ASB3: variants seen among roughly 807,000 people sequenced by gnomAD.
ASB3 encodes the protein ankyrin repeat and SOCS box protein 3.
Under a neutral mutation model 54.5 loss-of-function variants are expected in ASB3, and 41 were observed. That is an observed-to-expected ratio of 0.75 (90% CI 0.59 to 0.98). The LOEUF is 0.98. Ranked by LOEUF, ASB3 falls within the 50% of genes least tolerant of loss-of-function variation. ASB3 has a pLI of 0.00. For missense variants in ASB3, 733 were observed against 620.0 expected (o/e 1.18, Z -1.94); for synonymous variants, 266 against 221.2 (o/e 1.20, Z -1.80).
At chr2:53,742,338 C>T (rs752094253) in intron 3 of ASB3, among the ~76,000 whole-genome samples, 2 of 152,174 alleles carry the variant, frequency 1.3e-5, no homozygotes, top group Non-Finnish European at 2.9e-5. Flanking sequence ...CAAAAACTCA[C>T]ATATTCCCAA....
intron 3 of ASB3, among the ~76,000 whole-genome samples, chr2:53,748,093 CAT>C (rs148404633): frequency 0.014 from 2,104 of 152,248 alleles, 41 homozygotes; most frequent in African/African-American, 0.049. Flanking sequence ...AATAATAGTA[CAT>C]GTCTCAGAAT....
intron 6 of ASB3, among the ~76,000 whole-genome samples, chr2:53,716,234 T>C (rs369710684): frequency 8.6e-5 from 13 of 152,014 alleles, no homozygotes; most frequent in African/African-American, 3.1e-4. Flanking sequence ...CCTCATCAGA[T>C]TGATGCTTAA....
chr2:53,702,325 A>T (rs1416296116), intron 7 of ASB3, among the ~76,000 whole-genome samples: 1 of 152,234 alleles, frequency 6.6e-6, no homozygotes, highest in East Asian at 1.9e-4. Context: ...AGGTTATTAA[A>T]GAAGGTCTCA....
chr2:53,772,945 C>T (rs1674048527), intron 1 of ASB3, among the ~76,000 whole-genome samples: 1 of 152,082 alleles, frequency 6.6e-6, no homozygotes, highest in Non-Finnish European at 1.5e-5. Context: ...TTTATTTAAC[C>T]AACAATCCTC....
intron 1 of ASB3, chr2:53,767,869 C>A: frequency 6.3e-7 from 1 of 1,596,764 alleles, no homozygotes; most frequent in Middle Eastern, 1.7e-4. Context: ...GCCACTGGGG[C>A]AGAGGAGCCG....
intron 3 of ASB3, among the ~76,000 whole-genome samples, chr2:53,742,310 T>C (rs1047504121): frequency 5.3e-5 from 8 of 152,138 alleles, no homozygotes; most frequent in Non-Finnish European, 1.5e-5. Context: ...ATAAACCTCC[T>C]GAAAGCAGCT....
chr2:53,707,265 T>A (rs1669830998), intron 7 of ASB3, among the ~76,000 whole-genome samples: 1 of 152,218 alleles, frequency 6.6e-6, no homozygotes. Flanking sequence ...GCTACCAATT[T>A]GGGCAGCACA....
chr2:53,700,470 G>C lies in ASB3; in HGVS notation c.1039C>G (p.Leu347Val), dbSNP rs1486032744. The part of the protein sequence containing the change: ...LLKYGAQINE[L>V]HLAYCLKYEK... ...TACTTCAGGCAGTATGCCAAATGAA[G>C]TTCATTTATCTGGGCTCCATATTTC... The change falls in exon 8 of 10, where the codon CTT (leucine) becomes GTT (valine). Residue 347 changes from leucine (L) to valine (V), a missense_variant. By Grantham distance (32) the Leu-to-Val change is conservative (BLOSUM62 1). Transcript: ENST00000263634. 1.9e-6 allele frequency: 3 copies of C among 1,614,038 alleles called. No homozygotes were observed. In the Admixed American group the frequency reaches 5.0e-5, roughly 27 times the overall value.
At chr2:53,681,394 T>C (rs570567716) in intron 9 of ASB3, among the ~76,000 whole-genome samples, 1 of 152,302 alleles carries the variant, frequency 6.6e-6, no homozygotes, top group Admixed American at 6.5e-5. Context: ...CCTATGTCCA[T>C]TTTTGTTTTG....
chr2:53,739,509 C>A (rs1558551412), intron 3 of ASB3, among the ~76,000 whole-genome samples: 2 of 152,226 alleles, frequency 1.3e-5, no homozygotes, highest in Admixed American at 6.5e-5. Context: ...ATGTAATTAT[C>A]TTAGTGAATG....
chr2:53,749,614 C>T (rs932063651), intron 3 of ASB3, among the ~76,000 whole-genome samples: 13 of 151,946 alleles, frequency 8.6e-5, no homozygotes, highest in South Asian at 2.1e-4. Context: ...TAATAGAATA[C>T]GATTCAGCTA....
chr2:53,719,975 T>G (rs1670607063), intron 5 of ASB3, among the ~76,000 whole-genome samples: 1 of 152,072 alleles, frequency 6.6e-6, no homozygotes, highest in Non-Finnish European at 1.5e-5. Flanking sequence ...CCTATTCTAT[T>G]CCTAAAAAAT....
intron 2 of ASB3, among the ~76,000 whole-genome samples, chr2:53,759,047 G>A (rs561866592): frequency 3.9e-4 from 60 of 152,258 alleles, no homozygotes; most frequent in African/African-American, 1.3e-3. Flanking sequence ...TAGATCAGAC[G>A]CTAACCACAA....
intron 6 of ASB3, 33 bp from the exon 7 acceptor site, chr2:53,714,614 T>C (rs761599678): frequency 6.2e-7 from 1 of 1,606,216 alleles, no homozygotes; most frequent in Admixed American, 1.7e-5. Context: ...GAATTTAGTG[T>C]TTGTATATGT....
chr2:53,685,260 T>C (rs1342334502), intron 9 of ASB3, among the ~76,000 whole-genome samples: 2 of 152,168 alleles, frequency 1.3e-5, no homozygotes, highest in Non-Finnish European at 2.9e-5. Flanking sequence ...GAAATGATCA[T>C]TGCAATCAAC....
intron 3 of ASB3, among the ~76,000 whole-genome samples, chr2:53,732,759 C>T (rs114464545): frequency 3.5e-4 from 54 of 152,150 alleles, no homozygotes; most frequent in African/African-American, 1.2e-3. Context: ...ATTTTCACAG[C>T]CCTTGTTAAT....
At chr2:53,780,148 A>AAAACTGAG (rs1674563901) in intron 1 of ASB3, among the ~76,000 whole-genome samples, 1 of 152,226 alleles carries the variant, frequency 6.6e-6, no homozygotes, top group Non-Finnish European at 1.5e-5. Context: ...AACTGAGGTC[A>AAAACTGAG]GTAATCAAAA....
At chr2:53,698,920 C>G (rs900598187) in intron 8 of ASB3, among the ~76,000 whole-genome samples, 3 of 152,224 alleles carry the variant, frequency 2.0e-5, no homozygotes, top group Admixed American at 1.3e-4. Context: ...TCGAAAGCTA[C>G]TTCTATATTC....
chr2:53,713,541 T>A (rs377185957), intron 7 of ASB3, among the ~76,000 whole-genome samples: 1 of 152,246 alleles, frequency 6.6e-6, no homozygotes, highest in Admixed American at 6.5e-5. Flanking sequence ...ACTTAGTCTA[T>A]TTCACAGAAT....
Sources: allele counts gnomAD v4.1 joint callset (sites outside exome capture counted in the v4.1 genomes callset), GRCh38; gene constraint gnomAD v4.1.1; transcripts MANE v1.5; gene names NCBI Gene and HGNC (gene_info 2026-07-23, HGNC 2026-07-21).